Variants in PITPNC1 observed in about 807,000 individuals in gnomAD.
PITPNC1 encodes the protein phosphatidylinositol transfer protein cytoplasmic 1.
A neutral mutation model predicts 44.7 loss-of-function variants in PITPNC1; 18 were observed. That is an observed-to-expected ratio of 0.40 (90% CI 0.28 to 0.60). The LOEUF (loss-of-function observed/expected upper bound fraction) is 0.60, where lower values mean the gene tolerates loss of function less well. Among genes scored for constraint, PITPNC1 ranks in the 20% least tolerant of loss-of-function variants. The pLI is 0.39. For synonymous variants in PITPNC1, 141 were observed against 149.6 expected (o/e 0.94, Z 0.42); for missense variants, 290 against 418.4 (o/e 0.69, Z 2.68).
rs189126491 is a variant in PITPNC1 at position 67,598,006 on chromosome 17, G to A, written c.366+19749G>A. On this transcript the variant is annotated intron_variant, in intron 5 of 8. Transcript: ENST00000581322. Reference sequence around the variant, plus strand: ...TGGGAGGCCGAGGCAGGCGGATCACGAGGTCAGGAGATCAAGACCATCCTG... The same window carrying A: ...TGGGAGGCCGAGGCAGGCGGATCACAAGGTCAGGAGATCAAGACCATCCTG... 1.1e-3 allele frequency among the ~76,000 whole-genome samples: 161 copies of A among 152,188 alleles called. 5 individuals carry two copies. The South Asian group carries it at 0.014, about 13-fold the overall frequency.
chr17:67,465,019 G>A (rs2039403508), intron 1 of PITPNC1, among the ~76,000 whole-genome samples: 2 of 152,158 alleles, frequency 1.3e-5, no homozygotes, highest in South Asian at 2.1e-4. Flanking sequence ...GATTACAGGC[G>A]TGAGCCACCA....
intron 1 of PITPNC1, among the ~76,000 whole-genome samples, chr17:67,384,449 G>A (rs1187939529): frequency 1.4e-5 from 2 of 145,400 alleles, no homozygotes; most frequent in East Asian, 2.0e-4. Context: ...TTTTTGAGAC[G>A]GAGTCTCGCT....
At chr17:67,658,641 T>C (rs1212865725) in intron 6 of PITPNC1, among the ~76,000 whole-genome samples, 1 of 152,116 alleles carries the variant, frequency 6.6e-6, no homozygotes, top group Non-Finnish European at 1.5e-5. Flanking sequence ...GCAGAAAAAA[T>C]CCTGCATCAC....
chr17:67,640,317 C>T (rs1380958400), intron 6 of PITPNC1, among the ~76,000 whole-genome samples: 1 of 152,166 alleles, frequency 6.6e-6, no homozygotes, highest in Non-Finnish European at 1.5e-5. Flanking sequence ...GGGTCCTCAG[C>T]AGCTGCCGCA....
intron 4 of PITPNC1, 108 bp downstream of exon 4, chr17:67,553,725 A>C: frequency 2.1e-6 from 1 of 473,216 alleles, no homozygotes; most frequent in South Asian, 5.1e-5. Flanking sequence ...AAAGGGGAAT[A>C]ATTCCAAGTC....
intron 1 of PITPNC1, among the ~76,000 whole-genome samples, chr17:67,494,624 T>C (rs8067528): frequency 0.47 from 71,967 of 151,924 alleles, 17,130 homozygotes; most frequent in East Asian, 0.62. Flanking sequence ...ACTGCTCTGA[T>C]AGTACAGGTC....
chr17:67,481,321 C>T (rs1237687185), intron 1 of PITPNC1, among the ~76,000 whole-genome samples: 1 of 152,236 alleles, frequency 6.6e-6, no homozygotes. Context: ...GCCCATATCA[C>T]TCCTGCTCCC....
At chr17:67,615,890 C>A (rs2041751633) in intron 5 of PITPNC1, among the ~76,000 whole-genome samples, 1 of 152,150 alleles carries the variant, frequency 6.6e-6, no homozygotes, top group Non-Finnish European at 1.5e-5. Flanking sequence ...AAGTGTTGGC[C>A]TAGACTCCTG....
At chr17:67,486,589 G>C (rs1374354782) in intron 1 of PITPNC1, among the ~76,000 whole-genome samples, 1 of 152,170 alleles carries the variant, frequency 6.6e-6, no homozygotes, top group Non-Finnish European at 1.5e-5. Flanking sequence ...CACAAAGCAT[G>C]AGTGATAGTT....
chr17:67,421,601 AC>A (rs2038674185), intron 1 of PITPNC1, among the ~76,000 whole-genome samples: 1 of 151,722 alleles, frequency 6.6e-6, no homozygotes, highest in African/African-American at 2.4e-5. Context: ...AACTTTTGAA[AC>A]CCATTTTTGT....
intron 1 of PITPNC1, among the ~76,000 whole-genome samples, chr17:67,428,330 G>A (rs1408416215): frequency 6.6e-6 from 1 of 152,074 alleles, no homozygotes; most frequent in Non-Finnish European, 1.5e-5. Context: ...CTTGAGCCCA[G>A]GAGTTCGAGA....
chr17:67,641,786 T>TAATAAC (rs1482133673), intron 6 of PITPNC1, among the ~76,000 whole-genome samples: 1 of 114,718 alleles, frequency 8.7e-6, no homozygotes, highest in East Asian at 2.4e-4. Context: ...TACCTCAAAA[T>TAATAAC]AATAATAATA....
At chr17:67,448,326 T>G (rs139115646) in intron 1 of PITPNC1, among the ~76,000 whole-genome samples, 4 of 151,926 alleles carry the variant, frequency 2.6e-5, no homozygotes, top group Admixed American at 6.6e-5. Context: ...TTGGTCACAG[T>G]CTTTATGTGT....
intron 4 of PITPNC1, among the ~76,000 whole-genome samples, chr17:67,565,260 G>A (rs1199722394): frequency 1.3e-5 from 2 of 150,180 alleles, no homozygotes; most frequent in Non-Finnish European, 3.0e-5. Context: ...TTTTCGGTGT[G>A]TATACTCATT....
chr17:67,436,751 C>T (rs1367133879), intron 1 of PITPNC1, among the ~76,000 whole-genome samples: 1 of 151,896 alleles, frequency 6.6e-6, no homozygotes, highest in African/African-American at 2.4e-5. Context: ...GTGTGGATGG[C>T]TGAGGTAAAG....
At chr17:67,470,082 T>C (rs774527573) in intron 1 of PITPNC1, among the ~76,000 whole-genome samples, 5 of 152,004 alleles carry the variant, frequency 3.3e-5, no homozygotes, top group Non-Finnish European at 7.4e-5. Context: ...ACCACCACAC[T>C]TGGCTAATTT....
chr17:67,526,510 C>T (rs1385065333), intron 1 of PITPNC1, among the ~76,000 whole-genome samples: 1 of 152,014 alleles, frequency 6.6e-6, no homozygotes, highest in African/African-American at 2.4e-5. Context: ...GGGAGGATCA[C>T]CTGAGGTCAG....
chr17:67,654,175 C>T (rs1426494902), intron 6 of PITPNC1, among the ~76,000 whole-genome samples: 8 of 152,136 alleles, frequency 5.3e-5, no homozygotes, highest in Admixed American at 5.2e-4. Flanking sequence ...TGAAGACTGT[C>T]GGTTCACCTG....
chr17:67,508,775 G>T lies in PITPNC1; in HGVS notation c.49-24027G>T, dbSNP rs1177740233. Among the ~76,000 whole-genome samples, 1 of 152,068 alleles carries T rather than the reference G, an allele frequency of 6.6e-6. No individual in the cohort carries two copies. Among genetic ancestry groups the T allele is most frequent in the Non-Finnish European group, 1.5e-5 (1 of 68,014 alleles). On this transcript the variant is annotated intron_variant, in intron 1 of 8. Transcript: ENST00000581322. The surrounding 1 kb of genome is among the most constrained non-coding windows in gnomAD (Gnocchi z 4.2). ...TGGTTGCCAGGGGCCAGAGGGGAGG[G>T]AAACGGGGAGCTGTTGTTTAAAGAG...
Sources: gnomAD v4.1 joint callset for allele counts (sites outside exome capture counted in the v4.1 genomes callset) on GRCh38, gnomAD v4.1.1 for gene constraint, Gnocchi (gnomAD v3.1) non-coding constraint, MANE v1.5 for transcripts, NCBI Gene and HGNC (gene_info 2026-07-23, HGNC 2026-07-21) for gene names.